The following DNAH9 variants were observed in gnomAD, a reference collection of about 807,000 sequenced individuals.
DNAH9 encodes DNAH9 variant protein.
In DNAH9, 345 loss-of-function variants were observed where a neutral mutation model predicts 471.6. That is an observed-to-expected ratio of 0.73 (90% confidence interval 0.67 to 0.80). The LOEUF (loss-of-function observed/expected upper bound fraction) is 0.80. Among genes scored for constraint, DNAH9 ranks in the 30% least tolerant of loss-of-function variants. The pLI is 0.00. For missense variants in DNAH9, 5,407 were observed against 5,609.2 expected, an observed-to-expected ratio of 0.96 and a Z score of 1.15; for synonymous variants, 2,093 against 2,123.6, an observed-to-expected ratio of 0.99 and a Z score of 0.40.
rs186312125 is a variant in DNAH9, at chr17:11,869,131, C to T, written c.9934-3C>T. On this transcript the variant is annotated splice_region_variant and splice_polypyrimidine_tract_variant and intron_variant, in intron 50 of 68. Transcript: ENST00000262442. Reference sequence around the variant, plus strand: ...GATGGTCCTTGTATTCCTTCCTAAACAGCACCTTAATGAAAACCTGGCAAA... The same window carrying T: ...GATGGTCCTTGTATTCCTTCCTAAATAGCACCTTAATGAAAACCTGGCAAA... 275 of 1,613,298 alleles carry T rather than the reference C, an allele frequency of 1.7e-4. No individual in the cohort carries two copies. Among genetic ancestry groups the T allele is most frequent in the South Asian group, 3.4e-4 (31 of 90,912 alleles).
chr17:11,611,990 C>G (rs2072648466), intron 4 of DNAH9: 2 of 613,284 alleles, frequency 3.3e-6, no homozygotes, highest in Non-Finnish European at 5.8e-6. Flanking sequence ...GCTGTATGGC[C>G]TGGGAAAATT....
intron 67 of DNAH9, among the ~76,000 whole-genome samples, chr17:11,955,043 T>C (rs866114666): frequency 6.6e-5 from 10 of 152,202 alleles, no homozygotes; most frequent in Middle Eastern, 3.4e-3. Context: ...TAGAAGCATA[T>C]TGTATATGAT....
At chr17:11,761,549 C>G (rs1425818006) in intron 35 of DNAH9, among the ~76,000 whole-genome samples, 8 of 152,240 alleles carry the variant, frequency 5.3e-5, no homozygotes, top group African/African-American at 1.9e-4. Flanking sequence ...CACCTTATCC[C>G]TTAGCCAAGC....
chr17:11,827,416 A>T (rs2022877481), intron 48 of DNAH9, among the ~76,000 whole-genome samples: 1 of 152,174 alleles, frequency 6.6e-6, no homozygotes, highest in Non-Finnish European at 1.5e-5. Context: ...CAAGTATCTC[A>T]CATGGTGAGA....
intron 2 of DNAH9, 95 bp downstream of exon 2, chr17:11,608,420 G>A (rs1032111093): frequency 4.3e-5 from 41 of 961,510 alleles, no homozygotes; most frequent in Non-Finnish European, 6.0e-5. Context: ...TCCTGACTCT[G>A]CACATCTCCT....
At chr17:11,801,197 G>C (rs754839696) in intron 43 of DNAH9, among the ~76,000 whole-genome samples, 15 of 152,200 alleles carry the variant, frequency 9.9e-5, no homozygotes, top group Non-Finnish European at 2.2e-4. Context: ...CTCATAAATA[G>C]GTAGAACTTG....
chr17:11,806,631 CAG>C lies in DNAH9; in HGVS notation c.8421-1099_8421-1098del, dbSNP rs552068118. On this transcript the variant is annotated intron_variant, in intron 43 of 68. Coordinates refer to ENST00000262442, the MANE Select transcript of DNAH9 (RefSeq NM_001372.4). ...AACTCAATTTTTAAAATACACATAACAGAAATATATTGACTTTTCAGGTACAA... is the reference window on the plus strand; with the variant it reads ...AACTCAATTTTTAAAATACACATAACAAATATATTGACTTTTCAGGTACAA... Among the ~76,000 whole-genome samples the C allele has an allele frequency of 1.2e-3, 180 of 150,540 alleles. 2 individuals carry two copies. The highest frequency in any genetic ancestry group is 1.1e-3 in the Non-Finnish European group (76 of 67,792).
rs1370417984 is a variant in DNAH9 at position 11,617,431 on chromosome 17, A to G, written c.925A>G (p.Ile309Val). ...TCCAGCTCTAGCAGAGGCACAGGAC[A>G]TCCATGTGCACCTGATACCGCTCCA... ...VVAALAEAQD[I>V]HVHLIPLQRH... is the part of the protein sequence containing the mutation. The change falls in exon 5 of 69, where the codon ATC (isoleucine) becomes GTC (valine). Residue 309 changes from isoleucine to valine, a missense_variant. Coordinates refer to ENST00000262442, the MANE Select transcript of DNAH9 (RefSeq NM_001372.4). 1 of 1,613,424 alleles carries G rather than the reference A, an allele frequency of 6.2e-7. No individual in the cohort carries two copies.
rs754070047 is a variant in DNAH9, at chr17:11,689,872, C to A, written c.4050C>A (p.Val1350=). The A allele has an allele frequency of 6.2e-7, 1 of 1,609,424 alleles. No individual in the cohort carries two copies. Among genetic ancestry groups the A allele is most frequent in the South Asian group, 1.1e-5 (1 of 90,566 alleles). ...ARHIRNLDKE[V]RAWDAFTGLE... is the part of the protein sequence containing the mutation. ...ATATCCGAAACCTGGACAAGGAGGT[C>A]AGGGCCTGGGATGCATTCACAGGCC... Residue 1350 remains valine (V), a synonymous_variant, in exon 20 of 69, where the codon GTC becomes GTA. Coordinates refer to ENST00000262442, the MANE Select transcript of DNAH9 (RefSeq NM_001372.4).
intron 48 of DNAH9, among the ~76,000 whole-genome samples, chr17:11,824,935 C>T (rs1970439188): frequency 6.6e-6 from 1 of 151,922 alleles, no homozygotes; most frequent in African/African-American, 2.4e-5. Flanking sequence ...CCTCCTTCTT[C>T]TTTTTCCATG....
chr17:11,880,474 G>C (rs750011825), intron 54 of DNAH9, among the ~76,000 whole-genome samples: 14 of 152,094 alleles, frequency 9.2e-5, no homozygotes, highest in Non-Finnish European at 1.9e-4. Context: ...GGAAAAACTT[G>C]AGAAGGAAAT....
chr17:11,703,999 A>C (rs571356977), intron 24 of DNAH9, among the ~76,000 whole-genome samples: 19 of 152,330 alleles, frequency 1.2e-4, no homozygotes, highest in South Asian at 8.3e-4. Context: ...AGGAGCAGAA[A>C]GTGCTTTTCC....
At chr17:11,758,704 A>G (rs925664368) in intron 35 of DNAH9, among the ~76,000 whole-genome samples, 4 of 152,096 alleles carry the variant, frequency 2.6e-5, no homozygotes, top group African/African-American at 9.7e-5. Context: ...CTCATTCCAT[A>G]TGCCCCGCCC....
At position 11,969,424 on chromosome 17, in the gene DNAH9, C is replaced by T. The variant is rs1251772388; in HGVS notation, c.13358C>T (p.Thr4453Ile). 1 of 1,613,980 alleles carries T rather than the reference C, an allele frequency of 6.2e-7. No homozygotes were observed. Among genetic ancestry groups the T allele is most frequent in the Non-Finnish European group, 8.5e-7 (1 of 1,180,016 alleles). Residue 4453 changes from threonine (T) to isoleucine (I), a missense_variant, in exon 69 of 69, where the codon ACT (threonine) becomes ATT (isoleucine). By Grantham distance (89) the Thr-to-Ile change is moderately conservative. Transcript: ENST00000262442. ...RSVYSCPVYK[T>I]SQRGPTYVWT... ...GTCTATTCCTGTCCTGTGTACAAGA[C>T]TAGTCAGCGGGGACCCACCTACGTG...
At chr17:11,833,686 C>T (rs538944464) in intron 48 of DNAH9, among the ~76,000 whole-genome samples, 10 of 152,182 alleles carry the variant, frequency 6.6e-5, no homozygotes, top group South Asian at 4.2e-4. Flanking sequence ...GATAGAAGTC[C>T]GACTTCCTAC....
At chr17:11,908,142 C>T (rs1005055589) in intron 61 of DNAH9, among the ~76,000 whole-genome samples, 1 of 152,072 alleles carries the variant, frequency 6.6e-6, no homozygotes, top group Non-Finnish European at 1.5e-5. Flanking sequence ...GTCCCATCAC[C>T]GGCCCTGCCA....
At chr17:11,727,696 T>G in intron 27 of DNAH9, 122 bp from the exon 28 acceptor site, 1 of 656,600 alleles carries the variant, frequency 1.5e-6, no homozygotes, top group South Asian at 1.9e-5. Context: ...TAATACAAGT[T>G]TCTGACCAGT....
intron 43 of DNAH9, among the ~76,000 whole-genome samples, chr17:11,798,432 C>CAAAAAA (rs71142247): frequency 4.9e-5 from 3 of 61,598 alleles, no homozygotes; most frequent in Non-Finnish European, 3.0e-5. Context: ...GACTCTGCCT[C>CAAAAAA]AAAAAAAAAA....
chr17:11,930,266 C>T (rs1974465747), intron 63 of DNAH9, among the ~76,000 whole-genome samples, 173 bp downstream of exon 63: 1 of 152,172 alleles, frequency 6.6e-6, no homozygotes, highest in South Asian at 2.1e-4. Flanking sequence ...CAACCCCACT[C>T]TCCATTGCCA....
Sources: allele counts gnomAD v4.1 joint callset (sites outside exome capture counted in the v4.1 genomes callset), GRCh38; gene constraint gnomAD v4.1.1; transcripts MANE v1.5; gene names NCBI Gene and HGNC (gene_info 2026-07-23, HGNC 2026-07-21).